Variants in DENND6B observed in about 807,000 individuals in gnomAD.
DENND6B encodes protein DENND6B.
A neutral mutation model predicts 85.1 loss-of-function variants in DENND6B; 73 were observed. That is an observed-to-expected ratio of 0.86 (90% CI 0.71 to 1.04). The LOEUF (loss-of-function observed/expected upper bound fraction) is 1.04, where lower values mean the gene tolerates loss of function less well. Among genes scored for constraint, DENND6B ranks in the 50% least tolerant of loss-of-function variants. The pLI is 0.00. For synonymous variants in DENND6B, 357 were observed against 329.3 expected (o/e 1.08, Z -0.91); for missense variants, 715 against 785.8 (o/e 0.91, Z 1.08).
intron 4 of DENND6B, 44 bp downstream of exon 4, chr22:50,317,864 G>A (rs2041905009): frequency 1.9e-6 from 3 of 1,561,984 alleles, no homozygotes; most frequent in Non-Finnish European, 2.6e-6. Flanking sequence ...AGGACCCTTG[G>A]GGAGCAGGGG....
Position 50,312,096 on chromosome 22 carries a change from C to G in DENND6B, c.*43G>C. The G allele has an allele frequency of 6.2e-7, 1 of 1,600,024 alleles. No homozygotes were observed. The highest frequency in any genetic ancestry group is 8.5e-7 in the Non-Finnish European group (1 of 1,172,608). The stretch of plus-strand genomic sequence containing the variant: ...CGCCACCACTGGGGAGTGGGAGGCT[C>G]AGGCAGACCTAGGGCCCTGGGACCG... On this transcript the variant is annotated 3_prime_UTR_variant, in exon 20 of 20. Transcript: ENST00000413817.
At position 50,322,002 on chromosome 22, in the gene DENND6B, C is replaced by T. The variant is rs147109372; in HGVS notation, c.178-2999G>A. Reference sequence around the variant, plus strand: ...TGTGCTACCACGCCCAGCTAATTTCCTTGGTTTTAACTCCTGGTAAACATT... The same window carrying T: ...TGTGCTACCACGCCCAGCTAATTTCTTTGGTTTTAACTCCTGGTAAACATT... On this transcript the variant is annotated intron_variant, in intron 1 of 19. Transcript: ENST00000413817. 6.1e-3 allele frequency among the ~76,000 whole-genome samples: 932 copies of T among 152,000 alleles called. 6 individuals are homozygous for T. Among genetic ancestry groups the T allele is most frequent in the South Asian group, 0.017 (80 of 4,828 alleles).
chr22:50,309,718 G>A lies in DENND6B; in HGVS notation c.*2421C>T, dbSNP rs1384687357. ...TATGTGGCCTCACCAGAGCCCTCCA[G>A]GGAAATCTGCTTGTGCATTTCTGGA... On this transcript the variant is annotated 3_prime_UTR_variant, in exon 20 of 20. Coordinates refer to ENST00000413817, the MANE Select transcript of DENND6B (RefSeq NM_001001794.4). The A allele has an allele frequency of 1.3e-5, 2 of 152,274 alleles. No individual in the cohort carries two copies. Among genetic ancestry groups the A allele is most frequent in the Non-Finnish European group, 2.9e-5 (2 of 68,056 alleles). 9.4% of individuals were successfully genotyped at this position (152,274 alleles called of 1,614,324 possible).
chr22:50,317,371 C>G lies in DENND6B; in HGVS notation c.375G>C (p.Arg125Ser). 6.2e-7 allele frequency: 1 copy of G among 1,612,840 alleles called. No homozygotes were observed. Among genetic ancestry groups the G allele is most frequent in the Non-Finnish European group, 8.5e-7 (1 of 1,179,662 alleles). The part of the protein sequence containing the change: ...YNSRAPVALQ[R>S]EPAHYFGYVY... ...CGTAGCCGAAGTAGTGTGCCGGCTC[C>G]CTCTGCAAGGAGCATGGTGTTAGCC... Residue 125 changes from arginine to serine, a missense_variant and splice_region_variant, in exon 5 of 20, where the codon AGG (arginine) becomes AGC (serine). Coordinates refer to ENST00000413817, the MANE Select transcript of DENND6B (RefSeq NM_001001794.4).
chr22:50,322,877 G>A (rs1344706506), intron 1 of DENND6B, among the ~76,000 whole-genome samples: 2 of 150,662 alleles, frequency 1.3e-5, no homozygotes, highest in African/African-American at 4.9e-5. Context: ...TTGAGACAGA[G>A]TCTTGCCCTG....
At chr22:50,322,326 G>A (rs538561061) in intron 1 of DENND6B, among the ~76,000 whole-genome samples, 22 of 152,104 alleles carry the variant, frequency 1.4e-4, no homozygotes, top group African/African-American at 5.3e-4. Flanking sequence ...CACCTGCCTC[G>A]GCCTGCCAAA....
chr22:50,325,906 C>G (rs772124076), intron 1 of DENND6B, among the ~76,000 whole-genome samples: 22 of 152,252 alleles, frequency 1.4e-4, no homozygotes, highest in Non-Finnish European at 2.4e-4. Flanking sequence ...CATCTCCCAA[C>G]CACAGAGACG....
rs530734523 is a variant in DENND6B, at chr22:50,318,922, C to T, written c.217-33G>A. 15 of 1,611,024 alleles carry T rather than the reference C, an allele frequency of 9.3e-6. No homozygotes were observed. The East Asian group carries it at 3.3e-4, about 36-fold the overall frequency. On this transcript the variant is annotated intron_variant, in intron 2 of 19. Transcript: ENST00000413817. ...ATATAAAACCCCGGTGAGGGCCGACCCACTCCTGGGTCCTGTCCATTCCCA... is the reference window on the plus strand; with the variant it reads ...ATATAAAACCCCGGTGAGGGCCGACTCACTCCTGGGTCCTGTCCATTCCCA...
chr22:50,316,342 A>G, intron 6 of DENND6B, 28 bp downstream of exon 6: 2 of 1,562,990 alleles, frequency 1.3e-6, no homozygotes, highest in Non-Finnish European at 1.7e-6. Context: ...TGATGAGACC[A>G]CGATGGCCAC....
chr22:50,324,371 C>A (rs1043307528), intron 1 of DENND6B, among the ~76,000 whole-genome samples: 1 of 152,252 alleles, frequency 6.6e-6, no homozygotes, highest in Non-Finnish European at 1.5e-5. Context: ...TACTCACTTA[C>A]ATGCTGGGCA....
At position 50,314,482 on chromosome 22, in the gene DENND6B, GACC is replaced by G; in HGVS notation, c.987_989del (p.Val330del). On this transcript the variant is annotated inframe_deletion, in exon 12 of 20. Coordinates refer to ENST00000413817, the MANE Select transcript of DENND6B (RefSeq NM_001001794.4). The stretch of plus-strand genomic sequence containing the variant: ...TAAAGAAAGGGTTTGTGACTCCCAG[GACC>G]ACGTTTGGTCTAGACAGACAGAGAG... 2 of 1,560,330 alleles carry G rather than the reference GACC, an allele frequency of 1.3e-6. No individual in the cohort carries two copies. The highest frequency in any genetic ancestry group is 1.7e-6 in the Non-Finnish European group (2 of 1,151,420).
At chr22:50,324,847 G>A (rs911347833) in intron 1 of DENND6B, among the ~76,000 whole-genome samples, 1 of 152,174 alleles carries the variant, frequency 6.6e-6, no homozygotes, top group Non-Finnish European at 1.5e-5. Context: ...CAGCATCCAA[G>A]ACTTATTTAC....
intron 4 of DENND6B, 27 bp from the exon 5 acceptor site, chr22:50,317,400 C>A (rs2041887655): frequency 6.2e-7 from 1 of 1,611,906 alleles, no homozygotes. Context: ...GTTAGCCAGC[C>A]ACGCCCCACC....
In DENND6B at chr22:50,312,391, C is replaced by T. The variant is rs757523455; in HGVS notation, c.1587G>A (p.Lys529=). 1.1e-5 allele frequency: 17 copies of T among 1,611,842 alleles called. No individual in the cohort carries two copies. In the South Asian group the frequency reaches 1.3e-4, roughly 13 times the overall value. The part of the protein sequence containing the change: ...EANIETWMKD[K]SEVEVVDLVL... The stretch of plus-strand genomic sequence containing the variant: ...CCAGGTCCACGACCTCCACCTCGGA[C>T]TTGTCTTTCATCCAGGTCTCGATGT... The change falls in exon 19 of 20, where the codon AAG becomes AAA. Residue 529 remains lysine, a synonymous_variant. Transcript: ENST00000413817.
At chr22:50,325,314 T>G (rs965761631) in intron 1 of DENND6B, among the ~76,000 whole-genome samples, 7 of 151,410 alleles carry the variant, frequency 4.6e-5, no homozygotes, top group African/African-American at 1.7e-4. Flanking sequence ...CGAGAATGTC[T>G]TAAGGAACAG....
At chr22:50,318,737 TG>T in intron 3 of DENND6B, 109 bp downstream of exon 3, 9 of 1,487,816 alleles carry the variant, frequency 6.0e-6, no homozygotes, top group Non-Finnish European at 7.3e-6. Flanking sequence ...CTCACCCCTG[TG>T]GCACTCTGGG....
At chr22:50,318,274 C>T (rs2041921028) in intron 3 of DENND6B, among the ~76,000 whole-genome samples, 2 of 152,138 alleles carry the variant, frequency 1.3e-5, no homozygotes, top group African/African-American at 4.8e-5. Context: ...ACTTAGGGGG[C>T]GGAGGTTGCA....
intron 1 of DENND6B, among the ~76,000 whole-genome samples, chr22:50,324,765 C>T (rs1329132546): frequency 1.3e-5 from 2 of 152,182 alleles, no homozygotes; most frequent in Admixed American, 6.6e-5. Context: ...TCACCAGCTC[C>T]TTGCCTTTTG....
intron 1 of DENND6B, chr22:50,319,271 C>G (rs184612018): frequency 3.7e-5 from 36 of 985,372 alleles, no homozygotes; most frequent in Non-Finnish European, 4.2e-5. Context: ...CTTGCTGACC[C>G]GCTCCTATCT....
Sources: gnomAD v4.1 joint callset for allele counts (sites outside exome capture counted in the v4.1 genomes callset) on GRCh38, gnomAD v4.1.1 for gene constraint, MANE v1.5 for transcripts, NCBI Gene and HGNC (gene_info 2026-07-23, HGNC 2026-07-21) for gene names.